Variants in DRC1 observed in about 807,000 individuals in gnomAD.
DRC1 encodes the protein dynein regulatory complex protein 1.
Under a neutral mutation model 98.7 loss-of-function variants are expected in DRC1, and 74 were observed. The observed-to-expected ratio is 0.75, with a 90% confidence interval of 0.62 to 0.91. The LOEUF (loss-of-function observed/expected upper bound fraction) is 0.91. Among genes scored for constraint, DRC1 ranks in the 40% least tolerant of loss-of-function variants. The pLI is 0.00. For missense variants in DRC1, 875 were observed against 886.0 expected (o/e 0.99, Z 0.16); for synonymous variants, 336 against 334.1 (o/e 1.01, Z -0.06).
chr2:26,452,304 G>A (rs1444102751), intron 13 of DRC1, among the ~76,000 whole-genome samples: 1 of 152,112 alleles, frequency 6.6e-6, no homozygotes, highest in Non-Finnish European at 1.5e-5. Context: ...TGCCCAGGCT[G>A]GAGTGCAGTG....
At position 26,454,689 on chromosome 2, in the gene DRC1, C is replaced by T; in HGVS notation, c.1962C>T (p.Asp654=). The T allele has an allele frequency of 6.2e-7, 1 of 1,614,150 alleles. No homozygotes were observed. Among genetic ancestry groups the T allele is most frequent in the Non-Finnish European group, 8.5e-7 (1 of 1,180,024 alleles). ...APLRVQKNVR[D]NSKDSEYWQA... is the part of the protein sequence containing the mutation. The stretch of plus-strand genomic sequence containing the variant: ...TGAGGGTACAGAAGAATGTGCGTGA[C>T]AACTCCAAGGACTCGGAGTACTGGC... Residue 654 remains aspartate (D), a synonymous_variant, in exon 15 of 17, where the codon GAC becomes GAT. Coordinates refer to ENST00000288710, the MANE Select transcript of DRC1 (RefSeq NM_145038.5). This position sits in a 1 kb window ranked among gnomAD's most constrained non-coding sequence, Gnocchi z 5.2.
chr2:26,425,230 C>T (rs1035453898), intron 4 of DRC1, among the ~76,000 whole-genome samples: 17 of 152,266 alleles, frequency 1.1e-4, no homozygotes, highest in African/African-American at 2.4e-4. Flanking sequence ...AGATGGACTT[C>T]GTTGTAGCAC....
At chr2:26,406,923 T>C (rs1572349619) in intron 1 of DRC1, among the ~76,000 whole-genome samples, 1 of 147,118 alleles carries the variant, frequency 6.8e-6, no homozygotes, top group South Asian at 2.2e-4. Flanking sequence ...ACTCAAGTGA[T>C]CCCCCCCACC....
intron 1 of DRC1, among the ~76,000 whole-genome samples, 178 bp from the exon 2 acceptor site, chr2:26,414,166 G>C (rs938648776): frequency 7.0e-6 from 1 of 142,684 alleles, no homozygotes; most frequent in Non-Finnish European, 1.5e-5. Context: ...AATAGAGATG[G>C]GGGTCTTGCT....
At chr2:26,441,993 A>G (rs1359518054) in intron 8 of DRC1, among the ~76,000 whole-genome samples, 1 of 152,176 alleles carries the variant, frequency 6.6e-6, no homozygotes, top group Non-Finnish European at 1.5e-5. Flanking sequence ...ATAATTTACA[A>G]AGGCAAAAGT....
intron 4 of DRC1, among the ~76,000 whole-genome samples, chr2:26,425,530 A>G (rs1004579107): frequency 1.3e-5 from 2 of 152,212 alleles, no homozygotes; most frequent in African/African-American, 2.4e-5. Flanking sequence ...ACCATTTTAC[A>G]TTCCCACCAA....
At chr2:26,420,394 C>T (rs1309612750) in intron 2 of DRC1, among the ~76,000 whole-genome samples, 2 of 151,936 alleles carry the variant, frequency 1.3e-5, no homozygotes, top group Non-Finnish European at 2.9e-5. Flanking sequence ...TCATTATCTG[C>T]CTCACTGTCA....
chr2:26,428,564 C>T (rs554426172), intron 4 of DRC1, among the ~76,000 whole-genome samples: 25 of 152,194 alleles, frequency 1.6e-4, no homozygotes, highest in Non-Finnish European at 2.4e-4. Flanking sequence ...TTTGGGAGGC[C>T]GAGGCAGGTG....
intron 2 of DRC1, among the ~76,000 whole-genome samples, chr2:26,420,531 G>C (rs1177003106): frequency 3.9e-5 from 6 of 152,152 alleles, no homozygotes; most frequent in Admixed American, 3.9e-4. Flanking sequence ...ATATCTGCTG[G>C]TATAAAAGTT....
Position 26,454,253 on chromosome 2 carries a change from C to T in DRC1, c.1920-394C>T, listed in dbSNP as rs1472501217. Among the ~76,000 whole-genome samples the T allele has an allele frequency of 1.3e-5, 2 of 152,142 alleles. No individual in the cohort carries two copies. The highest frequency in any genetic ancestry group is 2.9e-5 in the Non-Finnish European group (2 of 68,024). On this transcript the variant is annotated intron_variant, in intron 14 of 16. Coordinates refer to ENST00000288710, the MANE Select transcript of DRC1 (RefSeq NM_145038.5). This position sits in a 1 kb window ranked among gnomAD's most constrained non-coding sequence, Gnocchi z 5.2. ...GCGAAGCTGGATACAGGGAAAGCATCAGGAGGCTTGTCCAGGTGGGAGGTG... is the reference window on the plus strand; with the variant it reads ...GCGAAGCTGGATACAGGGAAAGCATTAGGAGGCTTGTCCAGGTGGGAGGTG...
intron 7 of DRC1, among the ~76,000 whole-genome samples, chr2:26,435,245 C>T (rs1431635793): frequency 6.6e-6 from 1 of 152,180 alleles, no homozygotes; most frequent in East Asian, 1.9e-4. Flanking sequence ...ACTTATGCTA[C>T]CTTTACCGTA....
At chr2:26,445,043 G>T in intron 10 of DRC1, 95 bp downstream of exon 10, 1 of 1,289,278 alleles carries the variant, frequency 7.8e-7, no homozygotes, top group Non-Finnish European at 1.1e-6. Context: ...TAGGGAGGAG[G>T]GGGAAGAGTA....
At chr2:26,430,465 A>G in intron 5 of DRC1, 1 of 496,498 alleles carries the variant, frequency 2.0e-6, no homozygotes, top group Non-Finnish European at 4.1e-6. Context: ...TCACAGTTGA[A>G]TTACACACCA....
chr2:26,423,722 A>C (rs945540321), intron 3 of DRC1, among the ~76,000 whole-genome samples: 1 of 152,232 alleles, frequency 6.6e-6, no homozygotes, highest in Non-Finnish European at 1.5e-5. Flanking sequence ...CCATGTGTTA[A>C]GTGACTCCCA....
intron 10 of DRC1, chr2:26,448,351 A>C: frequency 2.0e-6 from 1 of 512,700 alleles, no homozygotes. Context: ...CATCTCTGAA[A>C]TAAGAATAAA....
intron 7 of DRC1, among the ~76,000 whole-genome samples, chr2:26,438,062 A>G (rs1331647441): frequency 2.8e-5 from 4 of 144,494 alleles, no homozygotes; most frequent in African/African-American, 1.1e-4. Flanking sequence ...ACTGCACTCC[A>G]GCCTGGGCGA....
chr2:26,440,574 G>A (rs1271788939), intron 8 of DRC1, 57 bp downstream of exon 8: 14 of 1,508,208 alleles, frequency 9.3e-6, no homozygotes, highest in Non-Finnish European at 1.2e-5. Flanking sequence ...GAATAGGGAT[G>A]GATATGTACT....
At chr2:26,406,853 T>TGTCACC (rs1678446026) in intron 1 of DRC1, among the ~76,000 whole-genome samples, 1 of 144,144 alleles carries the variant, frequency 6.9e-6, no homozygotes, top group Non-Finnish European at 1.5e-5. Context: ...GGTCTCACTC[T>TGTCACC]GTCACCCGGG....
At chr2:26,429,792 T>C in intron 5 of DRC1, 27 bp downstream of exon 5, 1 of 1,612,436 alleles carries the variant, frequency 6.2e-7, no homozygotes, top group East Asian at 2.2e-5. Flanking sequence ...AGACCTGGTT[T>C]CTGCTCTTGG....
Sources: allele counts gnomAD v4.1 joint callset (sites outside exome capture counted in the v4.1 genomes callset), GRCh38; gene constraint gnomAD v4.1.1; non-coding constraint Gnocchi (gnomAD v3.1); transcripts MANE v1.5; gene names NCBI Gene and HGNC (gene_info 2026-07-23, HGNC 2026-07-21).